CAMKK1: variants seen among roughly 807,000 people sequenced by gnomAD.
The protein encoded by CAMKK1 is calcium/calmodulin-dependent protein kinase kinase 1.
Under a neutral mutation model 63.5 loss-of-function variants are expected in CAMKK1, and 20 were observed. The ratio of observed to expected loss-of-function variants is 0.32; its 90% CI spans 0.22 to 0.46. CAMKK1 has a LOEUF of 0.46. CAMKK1 is among the 20% of genes least tolerant of loss of function. The pLI is 1.00. For missense variants in CAMKK1, 588 were observed against 658.1 expected (o/e 0.89, Z 1.17); for synonymous variants, 253 against 269.0 (o/e 0.94, Z 0.58).
intron 14 of CAMKK1, among the ~76,000 whole-genome samples, chr17:3,866,871 C>T (rs1000587407): frequency 6.6e-6 from 1 of 152,216 alleles, no homozygotes; most frequent in Non-Finnish European, 1.5e-5. Context: ...AGGCGTCCAC[C>T]ACCACACCCG....
intron 15 of CAMKK1, among the ~76,000 whole-genome samples, chr17:3,864,113 C>G (rs866131668): frequency 6.6e-6 from 1 of 151,138 alleles, no homozygotes; most frequent in African/African-American, 2.5e-5. Flanking sequence ...CCACCACGCC[C>G]GGCTAATTTT....
chr17:3,873,003 G>A (rs115042848), intron 11 of CAMKK1, among the ~76,000 whole-genome samples: 217 of 152,310 alleles, frequency 1.4e-3, no homozygotes, highest in African/African-American at 4.8e-3. Flanking sequence ...GCACACCTGC[G>A]GGCAGGGATC....
At chr17:3,870,980 C>T (rs932309746) in intron 12 of CAMKK1, among the ~76,000 whole-genome samples, 6 of 152,240 alleles carry the variant, frequency 3.9e-5, no homozygotes, top group Admixed American at 1.3e-4. Flanking sequence ...TGGCAGAACC[C>T]GGAGACGTGT....
At chr17:3,865,859 C>T in intron 15 of CAMKK1, 49 bp downstream of exon 15, 1 of 1,610,544 alleles carries the variant, frequency 6.2e-7, no homozygotes, top group Admixed American at 1.7e-5. Flanking sequence ...CAGACCTCCC[C>T]ACCCAACTCC....
Position 3,882,263 on chromosome 17 carries a change from G to T in CAMKK1, c.685+265C>A. On this transcript the variant is annotated intron_variant, in intron 7 of 15. Coordinates refer to ENST00000348335, the MANE Select transcript of CAMKK1 (RefSeq NM_032294.3). The surrounding 1 kb of genome is among the most constrained non-coding windows in gnomAD (Gnocchi z 4.3). ...GCCTGCTTCCTGCATCTACCTGAGC[G>T]CGCAGCCCACGTGGATCCACTGTCT... is the stretch of plus-strand genomic sequence containing the variant. 1 of 1,611,820 alleles carries T rather than the reference G, an allele frequency of 6.2e-7. No homozygotes were observed.
At position 3,872,643 on chromosome 17, in the gene CAMKK1, G is replaced by C; in HGVS notation, c.1051-16C>G. On this transcript the variant is annotated splice_polypyrimidine_tract_variant and intron_variant, in intron 11 of 15. Coordinates refer to ENST00000348335, the MANE Select transcript of CAMKK1 (RefSeq NM_032294.3). The stretch of plus-strand genomic sequence containing the variant: ...TGAATGGGCACTGTGGGGTGGAGAG[G>C]CAGACAAAGGATGTGGGTCCAGGGC... 6.2e-7 allele frequency: 1 copy of C among 1,610,492 alleles called. No individual in the cohort carries two copies. Among genetic ancestry groups the C allele is most frequent in the Non-Finnish European group, 8.5e-7 (1 of 1,176,614 alleles).
chr17:3,890,559 CCT>C lies in CAMKK1; in HGVS notation c.-44+2378_-44+2379del. On this transcript the variant is annotated intron_variant, in intron 1 of 15. Transcript: ENST00000348335. This position sits in a 1 kb window ranked among gnomAD's most constrained non-coding sequence, Gnocchi z 6.5. ...CATCTTCCCCAAACCTGCTCGTCCT[CCT>C]CTGTCTCCATTGCGAGACGGGTACC... 2 of 750,582 alleles carry C rather than the reference CCT, an allele frequency of 2.7e-6. No homozygotes were observed. The highest frequency in any genetic ancestry group is 5.0e-6 in the Non-Finnish European group (2 of 400,644). The allele number at this position is 750,582 out of a possible 1,614,324, so 46.5% of individuals were successfully genotyped here. A position where few individuals can be genotyped will look rare whatever the true frequency, so the allele number is the denominator to read the frequency against.
intron 14 of CAMKK1, among the ~76,000 whole-genome samples, chr17:3,866,718 A>G (rs944861598): frequency 3.1e-5 from 4 of 128,134 alleles, no homozygotes; most frequent in Admixed American, 8.7e-5. Flanking sequence ...CTGCCCTCAT[A>G]TAGCCTTTTT....
At chr17:3,867,359 G>C (rs916264708) in intron 14 of CAMKK1, among the ~76,000 whole-genome samples, 1 of 152,198 alleles carries the variant, frequency 6.6e-6, no homozygotes, top group African/African-American at 2.4e-5. Context: ...CGGTGCACGA[G>C]CCCCGCAGAA....
In CAMKK1 at chr17:3,860,639, T is replaced by C. The variant is rs9135; in HGVS notation, c.*1572A>G. On this transcript the variant is annotated 3_prime_UTR_variant, in exon 16 of 16. Transcript: ENST00000348335. Reference sequence around the variant, plus strand: ...AACAGTACCGAGTAACTTTTTAAGCTTCGGGCCACACTGCCTTAGCCCAGA... The same window carrying C: ...AACAGTACCGAGTAACTTTTTAAGCCTCGGGCCACACTGCCTTAGCCCAGA... The C allele has an allele frequency of 0.56, 84,782 of 152,142 alleles. 24,071 individuals are homozygous for C. The highest frequency in any genetic ancestry group is 0.68 in the African/African-American group (28,017 of 41,498). 9.4% of individuals were successfully genotyped at this position (152,142 alleles called of 1,614,324 possible).
chr17:3,871,892 C>T (rs1264244800), intron 12 of CAMKK1, among the ~76,000 whole-genome samples: 1 of 152,068 alleles, frequency 6.6e-6, no homozygotes, highest in African/African-American at 2.4e-5. Context: ...GTGATCTGCC[C>T]ACCTCAGCCT....
Position 3,883,781 on chromosome 17 carries a change from T to G in CAMKK1, c.462+103A>C. The G allele has an allele frequency of 1.7e-6, 2 of 1,171,478 alleles. No homozygotes were observed. Among genetic ancestry groups the G allele is most frequent in the East Asian group, 4.7e-5 (2 of 42,750 alleles). The allele number at this position is 1,171,478 out of a possible 1,614,324, so 72.6% of individuals were successfully genotyped here. A position where few individuals can be genotyped will look rare whatever the true frequency, so the allele number is the denominator to read the frequency against. On this transcript the variant is annotated intron_variant, in intron 4 of 15. Coordinates refer to ENST00000348335, the MANE Select transcript of CAMKK1 (RefSeq NM_032294.3). The surrounding 1 kb of genome is among the most constrained non-coding windows in gnomAD (Gnocchi z 4.7). ...ACCCCTAGGGACAGGGAGCTCACTC[T>G]CAGGCAGCCCTGTCCTCTATCTCCT...
At chr17:3,865,538 G>A (rs2054485644) in intron 15 of CAMKK1, 1 of 1,041,100 alleles carries the variant, frequency 9.6e-7, no homozygotes, top group Non-Finnish European at 1.2e-6. Flanking sequence ...CCTCTGCCAG[G>A]CTGCCAAGGG....
At chr17:3,870,559 G>T (rs950246568) in intron 12 of CAMKK1, among the ~76,000 whole-genome samples, 1 of 152,086 alleles carries the variant, frequency 6.6e-6, no homozygotes, top group Non-Finnish European at 1.5e-5. Flanking sequence ...TAGAGACGGG[G>T]TTTCACCGTG....
chr17:3,883,410 A>G lies in CAMKK1; in HGVS notation c.514+19T>C, dbSNP rs1417104475. On this transcript the variant is annotated intron_variant, in intron 5 of 15. Coordinates refer to ENST00000348335, the MANE Select transcript of CAMKK1 (RefSeq NM_032294.3). This position sits in a 1 kb window ranked among gnomAD's most constrained non-coding sequence, Gnocchi z 4.7. ...CTCCAGGCTAGGAGCTCCCAGGGAC[A>G]GGATCAGAAGATACATACGTGGAAA... is the stretch of plus-strand genomic sequence containing the variant. 2.5e-6 allele frequency: 4 copies of G among 1,611,048 alleles called. No individual in the cohort carries two copies. The highest frequency in any genetic ancestry group is 3.4e-6 in the Non-Finnish European group (4 of 1,177,166).
In CAMKK1 at chr17:3,885,557, G is replaced by C. The variant is rs777611464; in HGVS notation, c.131C>G (p.Pro44Arg). ...AGAGGCAGCTCTGGCCCGTGGTGGG[G>C]GGTCCACACCGTTTCTAGTAGGCTC... ...GPEPTRNGVDPPPRARAASVI... is the reference protein window; with the variant it reads ...GPEPTRNGVDRPPRARAASVI... The change falls in exon 2 of 16, where the codon CCC (proline) becomes CGC (arginine). Residue 44 changes from proline to arginine, a missense_variant. Pro to Arg is a moderately radical substitution (Grantham distance 103). Around this residue, in one of 3 missense-constraint regions of CAMKK1, gnomAD observed 357 missense variants for 407.4 expected, o/e 0.88. Coordinates refer to ENST00000348335, the MANE Select transcript of CAMKK1 (RefSeq NM_032294.3). 1 of 1,614,064 alleles carries C rather than the reference G, an allele frequency of 6.2e-7. No homozygotes were observed. The highest frequency in any genetic ancestry group is 8.5e-7 in the Non-Finnish European group (1 of 1,180,034).
At chr17:3,885,912 C>T (rs927989477) in intron 1 of CAMKK1, among the ~76,000 whole-genome samples, 182 bp from the exon 2 acceptor site, 2 of 152,216 alleles carry the variant, frequency 1.3e-5, no homozygotes, top group African/African-American at 4.8e-5. Flanking sequence ...TCGGTTCTGC[C>T]GCATGCCAGC....
intron 10 of CAMKK1, among the ~76,000 whole-genome samples, chr17:3,874,285 C>T (rs950599071): frequency 1.3e-5 from 2 of 152,174 alleles, no homozygotes; most frequent in Admixed American, 6.5e-5. Context: ...AAGTGGTCCT[C>T]GATTGGATTC....
intron 9 of CAMKK1, among the ~76,000 whole-genome samples, chr17:3,878,283 G>A (rs866357848): frequency 1.1e-4 from 17 of 152,090 alleles, no homozygotes; most frequent in South Asian, 2.1e-4. Context: ...CAGCGCCCTC[G>A]TGCCTCTGTT....
Sources: allele counts gnomAD v4.1 joint callset (sites outside exome capture counted in the v4.1 genomes callset), GRCh38; gene constraint gnomAD v4.1.1; regional missense constraint gnomAD v4.1.1; non-coding constraint Gnocchi (gnomAD v3.1); transcripts MANE v1.5; gene names NCBI Gene and HGNC (gene_info 2026-07-23, HGNC 2026-07-21).